Variants in RALYL observed in about 807,000 individuals in gnomAD.
RALYL encodes the protein RNA-binding Raly-like protein.
In RALYL, 29 loss-of-function variants were observed where a neutral mutation model predicts 35.1. The ratio of observed to expected loss-of-function variants is 0.83; its 90% CI spans 0.61 to 1.13. The LOEUF is 1.13. Ranked by LOEUF, RALYL falls within the 50% of genes most tolerant of loss-of-function variation. The probability of loss-of-function intolerance (pLI) is 0.00; values close to 1 mark genes in which losing one functional copy is unlikely to be tolerated. For synonymous variants in RALYL, 120 were observed against 127.6 expected, an observed-to-expected ratio of 0.94 and a Z score of 0.40; for missense variants, 359 against 360.4, an observed-to-expected ratio of 1.00 and a Z score of 0.03.
chr8:84,485,197 T>C (rs372026281), intron 1 of RALYL, among the ~76,000 whole-genome samples: 9 of 152,274 alleles, frequency 5.9e-5, no homozygotes, highest in African/African-American at 2.2e-4. Flanking sequence ...TTTATTTTTC[T>C]TTATATCCTA....
intron 2 of RALYL, among the ~76,000 whole-genome samples, chr8:84,733,994 A>C (rs1056781003): frequency 6.6e-6 from 1 of 152,234 alleles, no homozygotes; most frequent in Non-Finnish European, 1.5e-5. Flanking sequence ...CTGTATACAA[A>C]GTATTATTTT....
chr8:84,332,379 A>G (rs1380815028), intron 1 of RALYL, among the ~76,000 whole-genome samples: 3 of 152,168 alleles, frequency 2.0e-5, no homozygotes, highest in Non-Finnish European at 4.4e-5. Flanking sequence ...AAATGTAAAG[A>G]TTATACACAG....
chr8:84,281,376 A>G (rs1267019621), intron 1 of RALYL, among the ~76,000 whole-genome samples: 6 of 152,186 alleles, frequency 3.9e-5, no homozygotes. Flanking sequence ...CTCCTCACTT[A>G]TCAACACTAA....
chr8:84,822,180 T>C (rs1828686237), intron 4 of RALYL, among the ~76,000 whole-genome samples: 1 of 152,158 alleles, frequency 6.6e-6, no homozygotes, highest in Non-Finnish European at 1.5e-5. Context: ...CCCAATTGGA[T>C]ACTAAAAGTC....
Position 84,745,783 on chromosome 8 carries a change from A to G in RALYL, c.257-28796A>G, listed in dbSNP as rs187813162. ...TGTGTATAGATCTCACTATCTATCCAGTGCTTCCATCCCTGTCTCCTTTCC... is the reference window on the plus strand; with the variant it reads ...TGTGTATAGATCTCACTATCTATCCGGTGCTTCCATCCCTGTCTCCTTTCC... On this transcript the variant is annotated intron_variant, in intron 2 of 8. Coordinates refer to ENST00000521268, the MANE Select transcript of RALYL (RefSeq NM_173848.7). Among the ~76,000 whole-genome samples, 609 of 152,100 alleles carry G rather than the reference A, an allele frequency of 4.0e-3. 2 individuals carry two copies. The highest frequency in any genetic ancestry group is 6.8e-3 in the Admixed American group (104 of 15,236).
chr8:84,225,197 G>C (rs1242579053), intron 1 of RALYL, among the ~76,000 whole-genome samples: 1 of 152,126 alleles, frequency 6.6e-6, no homozygotes, highest in Non-Finnish European at 1.5e-5. Flanking sequence ...AATGTGTGTT[G>C]AAATTTTATG....
chr8:84,239,308 C>T (rs1168336976), intron 1 of RALYL, among the ~76,000 whole-genome samples: 2 of 152,102 alleles, frequency 1.3e-5, no homozygotes, highest in Non-Finnish European at 2.9e-5. Context: ...AATTGAGTCC[C>T]CTCATGCATT....
At chr8:84,692,158 G>T (rs757810282) in intron 2 of RALYL, among the ~76,000 whole-genome samples, 1 of 151,744 alleles carries the variant, frequency 6.6e-6, no homozygotes, top group African/African-American at 2.4e-5. Context: ...GAAACTTTAC[G>T]CCTTGAAATG....
chr8:84,254,820 T>C (rs1273997198), intron 1 of RALYL, among the ~76,000 whole-genome samples: 1 of 150,224 alleles, frequency 6.7e-6, no homozygotes, highest in Admixed American at 6.6e-5. Context: ...CTTAGAATCA[T>C]GGCTGAAGAC....
intron 8 of RALYL, among the ~76,000 whole-genome samples, chr8:84,894,537 G>A (rs1337493964): frequency 6.6e-6 from 1 of 152,140 alleles, no homozygotes; most frequent in Non-Finnish European, 1.5e-5. Flanking sequence ...GATGGAGTTA[G>A]GGATAGGATG....
chr8:84,882,834 C>T (rs117496289), intron 7 of RALYL, among the ~76,000 whole-genome samples: 1 of 141,558 alleles, frequency 7.1e-6, no homozygotes, highest in Non-Finnish European at 1.5e-5. Flanking sequence ...AAAGAACGAA[C>T]TAAACGTTAC....
At chr8:84,654,270 C>CATATATAG (rs1829463001) in intron 2 of RALYL, among the ~76,000 whole-genome samples, 1 of 44,478 alleles carries the variant, frequency 2.2e-5, no homozygotes, top group Non-Finnish European at 5.7e-5. Flanking sequence ...TCTCATGTTC[C>CATATATAG]ATATATATAT....
Position 84,314,869 on chromosome 8 carries a change from A to G in RALYL, c.-24+130445A>G, listed in dbSNP as rs559107513. Among the ~76,000 whole-genome samples the G allele has an allele frequency of 3.9e-5, 6 of 152,368 alleles. No individual in the cohort carries two copies. In the South Asian group the frequency reaches 1.0e-3, roughly 26 times the overall value. The stretch of plus-strand genomic sequence containing the variant: ...AATTGATATGAAAAAGAACAGTTCA[A>G]TAGAAAAATAGGCTGGAGATCTGAC... On this transcript the variant is annotated intron_variant, in intron 1 of 8. Transcript: ENST00000521268.
chr8:84,706,698 A>C (rs1279237229), intron 2 of RALYL, among the ~76,000 whole-genome samples: 1 of 152,178 alleles, frequency 6.6e-6, no homozygotes, highest in Non-Finnish European at 1.5e-5. Flanking sequence ...ACCCTGGCGT[A>C]AAGTCCAGAA....
At chr8:84,577,658 G>GTAC (rs1424928661) in intron 2 of RALYL, among the ~76,000 whole-genome samples, 1 of 151,690 alleles carries the variant, frequency 6.6e-6, no homozygotes, top group African/African-American at 2.4e-5. Flanking sequence ...AAAGATTATT[G>GTAC]TACTTATTGC....
chr8:84,609,453 G>A (rs1817826486), intron 2 of RALYL, among the ~76,000 whole-genome samples: 1 of 152,036 alleles, frequency 6.6e-6, no homozygotes, highest in Non-Finnish European at 1.5e-5. Flanking sequence ...CCCCTTTCTT[G>A]TCTGTTTTGT....
intron 2 of RALYL, among the ~76,000 whole-genome samples, chr8:84,556,951 G>A (rs1461754380): frequency 6.6e-6 from 1 of 152,126 alleles, no homozygotes; most frequent in Non-Finnish European, 1.5e-5. Context: ...ATATTTTGGG[G>A]TTACTTGACG....
At chr8:84,503,720 G>A (rs977812011) in intron 1 of RALYL, among the ~76,000 whole-genome samples, 2 of 151,730 alleles carry the variant, frequency 1.3e-5, no homozygotes, top group Non-Finnish European at 2.9e-5. Context: ...GTGGTGGCAG[G>A]TGCCTATAAT....
At chr8:84,263,729 A>G (rs1832738176) in intron 1 of RALYL, among the ~76,000 whole-genome samples, 1 of 152,032 alleles carries the variant, frequency 6.6e-6, no homozygotes, top group Admixed American at 6.6e-5. Flanking sequence ...CTCAGCATCT[A>G]TTAGCTATTT....
Sources: gnomAD v4.1 joint callset for allele counts (sites outside exome capture counted in the v4.1 genomes callset) on GRCh38, gnomAD v4.1.1 for gene constraint, MANE v1.5 for transcripts, NCBI Gene and HGNC (gene_info 2026-07-23, HGNC 2026-07-21) for gene names.